The following ADGRL2 variants were observed in gnomAD, a reference collection of about 807,000 sequenced individuals.
ADGRL2 encodes the protein adhesion G protein-coupled receptor L2, also known as calcium-independent alpha-latrotoxin receptor 2.
ADGRL2 carries 44 observed loss-of-function variants against 157.4 expected under a neutral mutation model. The ratio of observed to expected loss-of-function variants is 0.28; its 90% CI spans 0.22 to 0.36. ADGRL2 has a LOEUF of 0.36. Among genes scored for constraint, ADGRL2 ranks in the 10% least tolerant of loss-of-function variants. The pLI is 1.00. For synonymous variants in ADGRL2, 585 were observed against 624.7 expected, an observed-to-expected ratio of 0.94 and a Z score of 0.95; for missense variants, 1,510 against 1,768.9, an observed-to-expected ratio of 0.85 and a Z score of 2.63.
chr1:81,484,249 A>G (rs541811046), intron 2 of ADGRL2, among the ~76,000 whole-genome samples: 193 of 152,324 alleles, frequency 1.3e-3, no homozygotes, highest in Non-Finnish European at 2.2e-3. Context: ...AATTGTTTAA[A>G]GAGTACATTC....
intron 1 of ADGRL2, among the ~76,000 whole-genome samples, chr1:81,834,018 T>C (rs2092125256): frequency 1.3e-5 from 2 of 152,066 alleles, no homozygotes; most frequent in South Asian, 4.1e-4. Context: ...AAAGCAGAGG[T>C]GGGAGTAGGT....
At chr1:81,854,393 GTATAA>G (rs1172693490) in intron 2 of ADGRL2, among the ~76,000 whole-genome samples, 1 of 152,156 alleles carries the variant, frequency 6.6e-6, no homozygotes, top group Admixed American at 6.5e-5. Flanking sequence ...AAGACAGAAA[GTATAA>G]TATACTCAAA....
chr1:81,879,106 A>C lies in ADGRL2; in HGVS notation c.74-27911A>C, dbSNP rs552668649. 1.0e-3 allele frequency among the ~76,000 whole-genome samples: 159 copies of C among 152,314 alleles called. 1 individual carries two copies. Among genetic ancestry groups the C allele is most frequent in the African/African-American group, 3.7e-3 (153 of 41,570 alleles). On this transcript the variant is annotated intron_variant, in intron 2 of 23. Coordinates refer to ENST00000686636, the MANE Select transcript of ADGRL2 (RefSeq NM_001366006.2). ...AATGAATGATCTGTAACTCTGATAA[A>C]AAGATTAGTTTAGAGATTATTGAAT...
At chr1:81,631,869 C>G (rs573221235) in intron 3 of ADGRL2, among the ~76,000 whole-genome samples, 3 of 152,146 alleles carry the variant, frequency 2.0e-5, no homozygotes, top group Non-Finnish European at 4.4e-5. Flanking sequence ...TAAAGATCTG[C>G]TAAATTTGGA....
At chr1:81,432,335 C>T (rs1485566612) in intron 1 of ADGRL2, among the ~76,000 whole-genome samples, 1 of 150,798 alleles carries the variant, frequency 6.6e-6, no homozygotes, top group Non-Finnish European at 1.5e-5. Flanking sequence ...GATGTAAAAT[C>T]CTTGATCAGC....
chr1:81,672,428 T>C (rs1026249432), intron 3 of ADGRL2, among the ~76,000 whole-genome samples: 6 of 152,324 alleles, frequency 3.9e-5, no homozygotes, highest in African/African-American at 1.2e-4. Flanking sequence ...TTTAGGAACA[T>C]CTTTACAAGC....
At chr1:81,460,393 G>T (rs1055388036) in intron 2 of ADGRL2, among the ~76,000 whole-genome samples, 1 of 151,566 alleles carries the variant, frequency 6.6e-6, no homozygotes, top group Non-Finnish European at 1.5e-5. Context: ...TTTAAAAAAA[G>T]AAAAAATTTA....
At chr1:81,385,453 C>T (rs976256015) in intron 1 of ADGRL2, among the ~76,000 whole-genome samples, 4 of 152,014 alleles carry the variant, frequency 2.6e-5, no homozygotes, top group African/African-American at 7.2e-5. Context: ...TTTCTGGTTA[C>T]TGTCAAGTAA....
intron 2 of ADGRL2, among the ~76,000 whole-genome samples, chr1:81,843,391 A>G (rs2092674043): frequency 6.6e-6 from 1 of 152,170 alleles, no homozygotes; most frequent in Non-Finnish European, 1.5e-5. Flanking sequence ...TTGGCCTCCC[A>G]AAGTGCTGGG....
chr1:81,695,735 C>A (rs557665883), upstream of ADGRL2, among the ~76,000 whole-genome samples: 1 of 151,556 alleles, frequency 6.6e-6, no homozygotes, highest in Non-Finnish European at 1.5e-5. Context: ...GCAGGAGAAT[C>A]GCTTGAAGCT....
At position 81,782,711 on chromosome 1, in the gene ADGRL2, A is replaced by C. The variant is rs115957287; in HGVS notation, c.-101+20859A>C. Among the ~76,000 whole-genome samples the C allele has an allele frequency of 7.6e-3, 1,154 of 152,312 alleles. 17 individuals are homozygous for C. The highest frequency in any genetic ancestry group is 0.026 in the African/African-American group (1,092 of 41,566). ...GATTTTGATATCCTCCTTCCTGTTA[A>C]GAATCTTTGCCAGAATGAGCATTGG... On this transcript the variant is annotated intron_variant, in intron 2 of 20. Coordinates refer to the ADGRL2 transcript ENST00000359929.
intron 2 of ADGRL2, among the ~76,000 whole-genome samples, chr1:81,891,271 T>C (rs2151428102): frequency 6.6e-6 from 1 of 152,110 alleles, no homozygotes; most frequent in East Asian, 1.9e-4. Flanking sequence ...TATTCCATTT[T>C]GTCAATATAG....
intron 4 of ADGRL2, among the ~76,000 whole-genome samples, chr1:81,937,449 A>G (rs749176448): frequency 6.6e-6 from 1 of 151,912 alleles, no homozygotes; most frequent in Non-Finnish European, 1.5e-5. Context: ...TTAAAATTCA[A>G]TTGAAAAGTT....
At chr1:81,676,391 G>A (rs758770020) in intron 3 of ADGRL2, among the ~76,000 whole-genome samples, 8 of 152,036 alleles carry the variant, frequency 5.3e-5, no homozygotes, top group Admixed American at 2.6e-4. Flanking sequence ...CCAACCTCCC[G>A]GGTTCAAGTG....
chr1:81,382,989 C>A (rs1247715597), intron 1 of ADGRL2, among the ~76,000 whole-genome samples: 3 of 152,156 alleles, frequency 2.0e-5, no homozygotes, highest in Non-Finnish European at 4.4e-5. Flanking sequence ...TCCATGCGTT[C>A]ATTCAGACTT....
intron 3 of ADGRL2, among the ~76,000 whole-genome samples, chr1:81,649,267 A>G (rs964147762): frequency 6.6e-6 from 1 of 151,978 alleles, no homozygotes; most frequent in African/African-American, 2.4e-5. Flanking sequence ...TGTACCAAAA[A>G]CCTTTTCTCG....
intron 2 of ADGRL2, among the ~76,000 whole-genome samples, chr1:81,536,599 T>C (rs1234660213): frequency 1.3e-5 from 2 of 152,222 alleles, no homozygotes; most frequent in Non-Finnish European, 2.9e-5. Context: ...TTCCATGATC[T>C]GATCTAGGGT....
intron 1 of ADGRL2, among the ~76,000 whole-genome samples, chr1:81,744,896 C>T (rs2085193903): frequency 6.6e-6 from 1 of 152,120 alleles, no homozygotes; most frequent in African/African-American, 2.4e-5. Context: ...TGAGAGATGA[C>T]AATGTTTCAT....
At chr1:81,354,559 T>TA (rs1663139403) in intron 1 of ADGRL2, among the ~76,000 whole-genome samples, 1 of 152,170 alleles carries the variant, frequency 6.6e-6, no homozygotes, top group South Asian at 2.1e-4. Context: ...GCCTTCCCAC[T>TA]AAACTTATTT....
Sources: allele counts gnomAD v4.1 joint callset (sites outside exome capture counted in the v4.1 genomes callset), GRCh38; gene constraint gnomAD v4.1.1; transcripts MANE v1.5; gene names NCBI Gene and HGNC (gene_info 2026-07-23, HGNC 2026-07-21).